SPOCK3: variants seen among roughly 807,000 people sequenced by gnomAD.
SPOCK3 encodes SPARC (osteonectin), cwcv and kazal like domains proteoglycan 3.
In SPOCK3, 30 loss-of-function variants were observed where a neutral mutation model predicts 56.6. The ratio of observed to expected loss-of-function variants is 0.53; its 90% CI spans 0.40 to 0.72. SPOCK3 has a LOEUF of 0.72. Ranked by LOEUF, SPOCK3 falls within the 30% of genes least tolerant of loss-of-function variation. SPOCK3 has a pLI of 0.00. For synonymous variants in SPOCK3, 196 were observed against 183.3 expected (o/e 1.07, Z -0.56); for missense variants, 527 against 530.0 (o/e 0.99, Z 0.06).
chr4:167,050,791 C>A (rs545270849), intron 3 of SPOCK3, among the ~76,000 whole-genome samples: 98 of 152,068 alleles, frequency 6.4e-4, no homozygotes, highest in South Asian at 3.1e-3. Flanking sequence ...AATAAGTGAA[C>A]CACAAAAGGA....
intron 4 of SPOCK3, among the ~76,000 whole-genome samples, chr4:166,991,171 A>C (rs1747740052): frequency 6.6e-6 from 1 of 151,868 alleles, no homozygotes; most frequent in Non-Finnish European, 1.5e-5. Flanking sequence ...CAGTATAGTC[A>C]ATTTCCTTTA....
chr4:167,011,217 C>T, intron 3 of SPOCK3: 1 of 447,180 alleles, frequency 2.2e-6, no homozygotes, highest in South Asian at 1.6e-5. Context: ...GCGGGAAAAG[C>T]TTACCTGGCA....
intron 6 of SPOCK3, among the ~76,000 whole-genome samples, chr4:166,812,698 A>AACTTTTCT (rs1743958364): frequency 6.6e-6 from 1 of 152,000 alleles, no homozygotes. Flanking sequence ...TATTGGAATG[A>AACTTTTCT]ACTTTTCTAC....
intron 2 of SPOCK3, among the ~76,000 whole-genome samples, chr4:167,200,963 C>A (rs1427620023): frequency 1.3e-5 from 2 of 152,020 alleles, no homozygotes; most frequent in East Asian, 3.9e-4. Flanking sequence ...TATGATTAAA[C>A]AACTTAATTT....
chr4:166,814,677 G>A (rs1393137344), intron 6 of SPOCK3, among the ~76,000 whole-genome samples: 1 of 152,080 alleles, frequency 6.6e-6, no homozygotes, highest in Non-Finnish European at 1.5e-5. Flanking sequence ...ACTGAAGGCT[G>A]CACTGTTGGC....
At chr4:167,205,369 T>TATATATAATATATA (rs1561321698) in intron 2 of SPOCK3, among the ~76,000 whole-genome samples, 26 of 35,616 alleles carry the variant, frequency 7.3e-4, no homozygotes, top group African/African-American at 4.1e-3. Flanking sequence ...TATTATATAT[T>TATATATAATATATA]TTATATATAT....
rs13117080 is a variant in SPOCK3 at position 167,205,353 on chromosome 4, T to A, written c.189+28632A>T. Among the ~76,000 whole-genome samples the A allele has an allele frequency of 9.8e-3, 347 of 35,500 alleles. 10 individuals carry two copies. Among genetic ancestry groups the A allele is most frequent in the African/African-American group, 0.038 (263 of 6,958 alleles). 23.3% of individuals were successfully genotyped at this position (35,500 alleles called of 152,430 possible). A position where few individuals can be genotyped will look rare whatever the true frequency, so the allele number is the denominator to read the frequency against. On this transcript the variant is annotated intron_variant, in intron 2 of 10. Transcript: ENST00000357545. ...TATATATTATATATTATATATATAA[T>A]ATATATATTATATATTTTATATATA...
intron 7 of SPOCK3, among the ~76,000 whole-genome samples, chr4:166,771,965 G>A (rs1228722486): frequency 3.3e-5 from 5 of 151,872 alleles, no homozygotes; most frequent in Non-Finnish European, 7.4e-5. Flanking sequence ...TTCTTAGCAT[G>A]CTTGGTAAAA....
chr4:166,957,407 T>C (rs979316653), intron 4 of SPOCK3, among the ~76,000 whole-genome samples: 2 of 152,236 alleles, frequency 1.3e-5, no homozygotes, highest in Non-Finnish European at 2.9e-5. Flanking sequence ...TACACTTCCC[T>C]TTAGTAATAA....
chr4:166,929,029 T>G (rs1051065250), intron 4 of SPOCK3, among the ~76,000 whole-genome samples: 1 of 152,072 alleles, frequency 6.6e-6, no homozygotes, highest in Admixed American at 6.6e-5. Flanking sequence ...TGTGTCAGTA[T>G]AGGTTTATGG....
At chr4:166,998,143 A>C (rs1022151532) in intron 4 of SPOCK3, among the ~76,000 whole-genome samples, 2 of 152,162 alleles carry the variant, frequency 1.3e-5, no homozygotes, top group African/African-American at 4.8e-5. Context: ...TCTTAAAATC[A>C]ATTTGTTGGA....
At position 166,782,388 on chromosome 4, in the gene SPOCK3, C is replaced by T. The variant is rs145642128; in HGVS notation, c.709+9782G>A. On this transcript the variant is annotated intron_variant, in intron 7 of 10. Transcript: ENST00000357545. ...ACAATTACATCTGAAAACATCAACG[C>T]TGTTCTAAAAGTACTCACTAAAGTA... Among the ~76,000 whole-genome samples the T allele has an allele frequency of 1.5e-3, 235 of 152,204 alleles. 1 individual carries two copies. The highest frequency in any genetic ancestry group is 5.1e-3 in the African/African-American group (210 of 41,564).
chr4:166,831,732 C>T (rs566606776), intron 6 of SPOCK3, among the ~76,000 whole-genome samples: 4 of 137,734 alleles, frequency 2.9e-5, no homozygotes, highest in African/African-American at 7.9e-5. Flanking sequence ...AAACATCTTT[C>T]GGTATCATCA....
chr4:166,869,006 T>C (rs1372952971), intron 6 of SPOCK3, among the ~76,000 whole-genome samples: 5 of 152,160 alleles, frequency 3.3e-5, no homozygotes. Context: ...AGAAAATCAA[T>C]TAAAACCAAA....
At chr4:166,982,254 G>A (rs573005201) in intron 4 of SPOCK3, among the ~76,000 whole-genome samples, 2 of 152,326 alleles carry the variant, frequency 1.3e-5, no homozygotes, top group East Asian at 1.9e-4. Context: ...TCAGTGTAGT[G>A]GAAGATATAC....
chr4:167,215,522 C>A (rs992030242), intron 2 of SPOCK3, among the ~76,000 whole-genome samples: 2 of 152,078 alleles, frequency 1.3e-5, no homozygotes, highest in Non-Finnish European at 2.9e-5. Context: ...CAAAGGCCGC[C>A]TTTTCTAGAT....
At chr4:167,216,064 T>C (rs1283728529) in intron 2 of SPOCK3, among the ~76,000 whole-genome samples, 2 of 152,274 alleles carry the variant, frequency 1.3e-5, no homozygotes, top group African/African-American at 4.8e-5. Flanking sequence ...AAATGTTGCC[T>C]GGGTAAATGA....
chr4:167,049,034 G>A (rs1478563802), intron 3 of SPOCK3, among the ~76,000 whole-genome samples: 1 of 151,900 alleles, frequency 6.6e-6, no homozygotes, highest in African/African-American at 2.4e-5. Flanking sequence ...TTAAACCTAT[G>A]GAGATGATCA....
intron 5 of SPOCK3, among the ~76,000 whole-genome samples, chr4:166,895,116 G>A (rs1735235377): frequency 6.6e-6 from 1 of 151,990 alleles, no homozygotes; most frequent in Non-Finnish European, 1.5e-5. Context: ...CCAGATTAAT[G>A]TTGCTTTCAA....
Sources: gnomAD v4.1 joint callset for allele counts (sites outside exome capture counted in the v4.1 genomes callset) on GRCh38, gnomAD v4.1.1 for gene constraint, MANE v1.5 for transcripts, NCBI Gene and HGNC (gene_info 2026-07-23, HGNC 2026-07-21) for gene names.